Variants in WDR75 observed in about 807,000 individuals in gnomAD.
WDR75 encodes the protein WD repeat-containing protein 75.
In WDR75, 52 loss-of-function variants were observed where a neutral mutation model predicts 106.1. That is an observed-to-expected ratio of 0.49 (90% confidence interval 0.39 to 0.62). The LOEUF is 0.62. Among genes scored for constraint, WDR75 ranks in the 20% least tolerant of loss-of-function variants. WDR75 has a pLI of 0.00. For missense variants in WDR75, 905 were observed against 970.3 expected, an observed-to-expected ratio of 0.93 and a Z score of 0.89; for synonymous variants, 333 against 335.5, an observed-to-expected ratio of 0.99 and a Z score of 0.08.
chr2:189,469,274 TAAGAG>T, intron 15 of WDR75, 65 bp from the exon 16 acceptor site: 1 of 1,161,412 alleles, frequency 8.6e-7, no homozygotes, highest in Non-Finnish European at 1.3e-6. Flanking sequence ...TTCCTAAGAA[TAAGAG>T]AAGTTTTTTA....
Position 189,467,756 on chromosome 2 carries a change from G to A in WDR75, c.1628+108G>A, listed in dbSNP as rs947925142. ...CTCTCCAAAAGTAGCCTGAAGGTCA[G>A]TGGGGCAAGCAGCTAATCAAAATGC... On this transcript the variant is annotated intron_variant, in intron 14 of 20. Coordinates refer to ENST00000314761, the MANE Select transcript of WDR75 (RefSeq NM_032168.3). 4.7e-5 allele frequency: 49 copies of A among 1,053,086 alleles called. No individual in the cohort carries two copies. In the Admixed American group the frequency reaches 1.6e-3, roughly 33 times the overall value. 65.2% of individuals were successfully genotyped at this position (1,053,086 alleles called of 1,614,324 possible).
Position 189,458,865 on chromosome 2 carries a change from C to T in WDR75, c.682C>T (p.Arg228Cys), listed in dbSNP as rs1473276423. 4 of 1,599,752 alleles carry T rather than the reference C, an allele frequency of 2.5e-6. No homozygotes were observed. Among genetic ancestry groups the T allele is most frequent in the African/African-American group, 2.7e-5 (2 of 74,290 alleles). The part of the protein sequence containing the change: ...IASGHMDGKI[R>C]LWRNFYDDKK... ...ATCTGGTCACATGGATGGCAAAATT[C>T]GTCTTTGGTCAGTTTGCTCATGAAG... Residue 228 changes from arginine (R) to cysteine (C), a missense_variant, in exon 7 of 21, where the codon CGT becomes TGT. Coordinates refer to ENST00000314761, the MANE Select transcript of WDR75 (RefSeq NM_032168.3).
chr2:189,464,056 C>T, intron 11 of WDR75, 95 bp downstream of exon 11: 1 of 1,009,650 alleles, frequency 9.9e-7, no homozygotes, highest in South Asian at 1.5e-5. Flanking sequence ...AAACAAGATC[C>T]TGTGCATATG....
Position 189,449,671 on chromosome 2 carries a change from T to G in WDR75, c.216+1163T>G, listed in dbSNP as rs1007192508. On this transcript the variant is annotated intron_variant, in intron 2 of 20. Coordinates refer to ENST00000314761, the MANE Select transcript of WDR75 (RefSeq NM_032168.3). ...GTTCTGGACTTAGGAGTCACAGTGT[T>G]TGTGTATTAACCATTGTTTTGACAG... The G allele has an allele frequency of 6.0e-6, 6 of 1,001,528 alleles. No individual in the cohort carries two copies. The African/African-American group carries it at 6.9e-5, about 12-fold the overall frequency. 62.0% of individuals were successfully genotyped at this position (1,001,528 alleles called of 1,614,324 possible).
intron 1 of WDR75, 122 bp downstream of exon 1, chr2:189,441,700 A>G (rs920296584): frequency 4.4e-6 from 5 of 1,135,300 alleles, no homozygotes; most frequent in Non-Finnish European, 6.4e-6. Flanking sequence ...CTTTGGGTAG[A>G]GCACGCGCCT....
intron 13 of WDR75, among the ~76,000 whole-genome samples, chr2:189,466,915 T>A (rs186995676): frequency 6.6e-6 from 1 of 152,306 alleles, no homozygotes; most frequent in East Asian, 1.9e-4. Context: ...ACAGTCAGTA[T>A]TTTGTAGCAG....
At position 189,452,031 on chromosome 2, in the gene WDR75, T is replaced by G. The variant is rs2105555611; in HGVS notation, c.373+136T>G. The G allele has an allele frequency of 4.8e-6, 3 of 625,998 alleles. No homozygotes were observed. The East Asian group carries it at 8.4e-5, about 18-fold the overall frequency. 38.8% of individuals were successfully genotyped at this position (625,998 alleles called of 1,614,324 possible). A position where few individuals can be genotyped will look rare whatever the true frequency, so the allele number is the denominator to read the frequency against. On this transcript the variant is annotated intron_variant, in intron 4 of 20. Transcript: ENST00000314761. ...GGCATTTAAATTGCTTTTGTCATTA[T>G]TGTGCTCATTTGGAGATGGTTTGTA...
chr2:189,452,669 A>G (rs892107105), intron 4 of WDR75, among the ~76,000 whole-genome samples: 1 of 152,200 alleles, frequency 6.6e-6, no homozygotes, highest in African/African-American at 2.4e-5. Context: ...GTGCATCAGC[A>G]TTTTAGGAAT....
intron 4 of WDR75, among the ~76,000 whole-genome samples, chr2:189,455,035 G>T (rs559118709): frequency 3.9e-5 from 6 of 152,036 alleles, no homozygotes; most frequent in African/African-American, 1.4e-4. Flanking sequence ...GAGGTCAGGA[G>T]TTCGAGACCA....
Position 189,474,735 on chromosome 2 carries a change from C to G in WDR75, c.2215C>G (p.His739Asp). 4 of 1,614,048 alleles carry G rather than the reference C, an allele frequency of 2.5e-6. No homozygotes were observed. The highest frequency in any genetic ancestry group is 3.4e-6 in the Non-Finnish European group (4 of 1,179,954). Residue 739 changes from histidine to aspartate, a missense_variant, in exon 20 of 21, where the codon CAT becomes GAT. By Grantham distance (81) the His-to-Asp change is moderately conservative. Transcript: ENST00000314761. ...AISELLHTPAHVLPSAAFLCS... is the reference protein window; with the variant it reads ...AISELLHTPADVLPSAAFLCS... ...ACTCCAGCTTCTTCACACTCCAGCCCATGTCCTGCCATCTGCTGCTTTCCT... is the reference window on the plus strand; with the variant it reads ...ACTCCAGCTTCTTCACACTCCAGCCGATGTCCTGCCATCTGCTGCTTTCCT...
chr2:189,474,666 C>A, intron 19 of WDR75, 51 bp from the exon 20 acceptor site: 1 of 1,459,408 alleles, frequency 6.9e-7, no homozygotes, highest in Non-Finnish European at 9.6e-7. Flanking sequence ...GAACAGACTG[C>A]GGTGGAGGAT....
chr2:189,469,393 T>A lies in WDR75; in HGVS notation c.1773T>A (p.Asn591Lys), dbSNP rs138207048. ...LNVRVMEPDP[N>K]SENIAAISQS... ...TTAGAGTTATGGAACCCGATCCTAA[T>A]TCAGAGAATATTGCTGCAATCTCTC... Residue 591 changes from asparagine (N) to lysine (K), a missense_variant, in exon 16 of 21, where the codon AAT becomes AAA. Asn to Lys is a moderately conservative substitution (Grantham distance 94). Transcript: ENST00000314761. 264 of 1,613,642 alleles carry A rather than the reference T, an allele frequency of 1.6e-4. No individual in the cohort carries two copies. Among genetic ancestry groups the A allele is most frequent in the Middle Eastern group, 4.9e-4 (3 of 6,062 alleles).
intron 11 of WDR75, 51 bp downstream of exon 11, chr2:189,464,012 C>T: frequency 1.4e-6 from 2 of 1,471,838 alleles, no homozygotes; most frequent in Non-Finnish European, 1.9e-6. Flanking sequence ...TTTACAGTAC[C>T]ACTGGAGTCA....
chr2:189,472,623 A>T (rs1334240846), intron 18 of WDR75, among the ~76,000 whole-genome samples: 1 of 151,308 alleles, frequency 6.6e-6, no homozygotes, highest in Non-Finnish European at 1.5e-5. Context: ...AGAGGTTTTC[A>T]TCAGAGTCTG....
chr2:189,449,698 A>G (rs1018663617), intron 2 of WDR75: 36 of 989,486 alleles, frequency 3.6e-5, no homozygotes, highest in Non-Finnish European at 4.3e-5. Flanking sequence ...TTTTGACAGT[A>G]ATTATATGTT....
In WDR75 at chr2:189,441,540, G is replaced by T. The variant is rs13035211; in HGVS notation, c.48G>T (p.Glu16Asp). The change falls in exon 1 of 21, where the codon GAG becomes GAT. Residue 16 changes from glutamate to aspartate, a missense_variant. Physicochemically the swap from Glu to Asp is conservative, Grantham distance 45 (BLOSUM62 2). Coordinates refer to ENST00000314761, the MANE Select transcript of WDR75 (RefSeq NM_032168.3). ...NIRVVRCGGS[E>D]LNFRRAVFSA... is the part of the protein sequence containing the mutation. ...GCGTGGTTCGTTGTGGCGGCAGCGA[G>T]TTGAACTTTAGGAGAGCTGTGTTCT... 5.1e-6 allele frequency: 8 copies of T among 1,564,522 alleles called. No individual in the cohort carries two copies. The highest frequency in any genetic ancestry group is 6.9e-6 in the Non-Finnish European group (8 of 1,153,322).
chr2:189,448,985 G>A (rs967345723), intron 2 of WDR75, among the ~76,000 whole-genome samples: 2 of 152,124 alleles, frequency 1.3e-5, no homozygotes, highest in Non-Finnish European at 2.9e-5. Flanking sequence ...ATATTGCCTA[G>A]TCTTAAGACC....
Position 189,475,321 on chromosome 2 carries a change from T to A in WDR75, c.2397T>A (p.Gly799=). Residue 799 remains glycine, a synonymous_variant, in exon 21 of 21, where the codon GGT becomes GGA. Transcript: ENST00000314761. ...AAGTCCAGGATACAAGTAACACAGG[T>A]TTAGGAGAAGACATTATACATCAGT... ...TEKVQDTSNT[G]LGEDIIHQLS... 1 of 1,612,392 alleles carries A rather than the reference T, an allele frequency of 6.2e-7. No individual in the cohort carries two copies.
chr2:189,466,590 A>G lies in WDR75; in HGVS notation c.1447+8A>G, dbSNP rs1291674432. On this transcript the variant is annotated splice_region_variant and intron_variant, in intron 13 of 20. Coordinates refer to ENST00000314761, the MANE Select transcript of WDR75 (RefSeq NM_032168.3). Reference sequence around the variant, plus strand: ...ATGACTCTGACATATACAGTAAGTTATTAAATATGTTATGTTTAAAGTGTG... The same window carrying G: ...ATGACTCTGACATATACAGTAAGTTGTTAAATATGTTATGTTTAAAGTGTG... The G allele has an allele frequency of 4.4e-6, 7 of 1,596,946 alleles. No individual in the cohort carries two copies. In the African/African-American group the frequency reaches 6.8e-5, roughly 15 times the overall value.
Sources: allele counts gnomAD v4.1 joint callset (sites outside exome capture counted in the v4.1 genomes callset), GRCh38; gene constraint gnomAD v4.1.1; transcripts MANE v1.5; gene names NCBI Gene and HGNC (gene_info 2026-07-23, HGNC 2026-07-21).